The following HIKESHI variants were observed in gnomAD, a reference collection of about 807,000 sequenced individuals.
HIKESHI encodes heat shock protein nuclear import factor hikeshi.
Under a neutral mutation model 25.7 loss-of-function variants are expected in HIKESHI, and 13 were observed. The observed-to-expected ratio is 0.51, with a 90% CI of 0.33 to 0.80. The LOEUF (loss-of-function observed/expected upper bound fraction) is 0.80, where lower values mean the gene tolerates loss of function less well. HIKESHI is among the 30% of genes least tolerant of loss of function. The probability of loss-of-function intolerance (pLI) is 0.02; values close to 1 mark genes in which losing one functional copy is unlikely to be tolerated. For synonymous variants in HIKESHI, 76 were observed against 78.7 expected, an observed-to-expected ratio of 0.97 and a Z score of 0.18; for missense variants, 174 against 229.5, an observed-to-expected ratio of 0.76 and a Z score of 1.56.
intron 2 of HIKESHI, among the ~76,000 whole-genome samples, chr11:86,317,630 C>A (rs1947022876): frequency 6.6e-6 from 1 of 151,876 alleles, no homozygotes; most frequent in Non-Finnish European, 1.5e-5. Flanking sequence ...TATGGTGAAA[C>A]CTTGTCTGTA....
intron 2 of HIKESHI, among the ~76,000 whole-genome samples, chr11:86,318,252 C>T (rs962589645): frequency 7.8e-6 from 1 of 127,766 alleles, no homozygotes; most frequent in Non-Finnish European, 1.6e-5. Flanking sequence ...TGCAGTGAGC[C>T]AGGATCGCGC....
At chr11:86,340,875 C>A (rs75928228) in intron 3 of HIKESHI, among the ~76,000 whole-genome samples, 9,047 of 152,242 alleles carry the variant, frequency 0.059, 323 homozygotes, top group Middle Eastern at 0.12. Context: ...GAACTCCTGA[C>A]CTCGTGATCC....
intron 2 of HIKESHI, among the ~76,000 whole-genome samples, chr11:86,319,256 T>TTTTTTTTTA (rs1947088275): frequency 7.0e-6 from 1 of 142,604 alleles, no homozygotes; most frequent in African/African-American, 2.7e-5. Context: ...TTTTTTTTTT[T>TTTTTTTTTA]GAGACCAGTC....
chr11:86,345,222 C>A, intron 4 of HIKESHI: 1 of 802,056 alleles, frequency 1.2e-6, no homozygotes, highest in Non-Finnish European at 1.5e-6. Context: ...CATAATGTAG[C>A]TATGTGACCC....
intron 2 of HIKESHI, among the ~76,000 whole-genome samples, chr11:86,330,793 C>G (rs1947401912): frequency 6.6e-6 from 1 of 152,072 alleles, no homozygotes. Context: ...TACCAAAGTT[C>G]TGAAAGTAAT....
At chr11:86,333,709 G>A (rs1036460518) in intron 2 of HIKESHI, among the ~76,000 whole-genome samples, 6 of 152,054 alleles carry the variant, frequency 3.9e-5, no homozygotes, top group African/African-American at 1.4e-4. Context: ...GACTGGATAT[G>A]GTTTTATAAA....
intron 4 of HIKESHI, chr11:86,345,290 A>T (rs1036774499): frequency 2.7e-6 from 1 of 373,632 alleles, no homozygotes. Flanking sequence ...GTTGAATTTG[A>T]TTTTTTTCCT....
chr11:86,321,535 ATTT>A (rs35862030), intron 2 of HIKESHI, among the ~76,000 whole-genome samples: 2 of 146,700 alleles, frequency 1.4e-5, no homozygotes, highest in African/African-American at 5.0e-5. Context: ...TTTGTTTTAC[ATTT>A]TTTTTTTTTG....
At chr11:86,329,574 C>CTTT (rs71040232) in intron 2 of HIKESHI, among the ~76,000 whole-genome samples, 1 of 143,878 alleles carries the variant, frequency 7.0e-6, no homozygotes, top group Non-Finnish European at 1.5e-5. Context: ...CCTGTGATTT[C>CTTT]TTTTTTTTTT....
intron 3 of HIKESHI, 151 bp from the exon 4 acceptor site, chr11:86,344,452 G>T (rs1477775101): frequency 2.1e-6 from 1 of 485,202 alleles, no homozygotes; most frequent in Non-Finnish European, 3.6e-6. Flanking sequence ...ACAGGCATGA[G>T]CCACCGCACC....
At chr11:86,334,613 G>A (rs140411062) in intron 2 of HIKESHI, among the ~76,000 whole-genome samples, 1 of 152,082 alleles carries the variant, frequency 6.6e-6, no homozygotes, top group Non-Finnish European at 1.5e-5. Context: ...ATGTTTTCTG[G>A]ATTTTAGCAT....
At chr11:86,306,132 TTGGTAGAAAGACTATAA>T in intron 1 of HIKESHI, 96 bp from the exon 2 acceptor site, 2 of 704,984 alleles carry the variant, frequency 2.8e-6, no homozygotes, top group Non-Finnish European at 4.8e-6. Flanking sequence ...AACATTCTAT[TTGGTAGAAAGACTATAA>T]TGGATTATGC....
intron 2 of HIKESHI, among the ~76,000 whole-genome samples, chr11:86,336,349 T>C (rs998096435): frequency 4.6e-5 from 7 of 152,146 alleles, no homozygotes. Context: ...GATGAGGTCT[T>C]TTAAATTTAT....
chr11:86,323,298 G>A (rs895459357), intron 2 of HIKESHI, among the ~76,000 whole-genome samples: 1 of 152,082 alleles, frequency 6.6e-6, no homozygotes, highest in African/African-American at 2.4e-5. Context: ...AGAAATAAAT[G>A]TAAATAGATA....
At chr11:86,345,199 G>T (rs1404642553) in intron 4 of HIKESHI, 2 of 998,166 alleles carry the variant, frequency 2.0e-6, no homozygotes, top group African/African-American at 1.7e-5. Flanking sequence ...AATGCACTAG[G>T]TTTGAATTTT....
intron 2 of HIKESHI, among the ~76,000 whole-genome samples, chr11:86,335,069 C>T (rs190038223): frequency 6.6e-6 from 1 of 152,286 alleles, no homozygotes; most frequent in Admixed American, 6.5e-5. Context: ...CTACCCTTGT[C>T]CCATCTGCTT....
chr11:86,319,079 C>G (rs1053845626), intron 2 of HIKESHI, among the ~76,000 whole-genome samples: 4 of 151,506 alleles, frequency 2.6e-5, no homozygotes, highest in African/African-American at 9.7e-5. Context: ...ACCACTTTGG[C>G]TAACTTATTT....
chr11:86,314,643 G>T (rs1946926660), intron 2 of HIKESHI, among the ~76,000 whole-genome samples: 1 of 151,832 alleles, frequency 6.6e-6, no homozygotes, highest in South Asian at 2.1e-4. Context: ...AAGAAAGAAA[G>T]AAAGAAATGG....
chr11:86,324,113 C>T (rs907131336), intron 2 of HIKESHI: 14 of 152,074 alleles, frequency 9.2e-5, no homozygotes, highest in African/African-American at 2.9e-4. Context: ...TGCTCCATTC[C>T]GAACTAGGCT....
Sources: gnomAD v4.1 joint callset for allele counts (sites outside exome capture counted in the v4.1 genomes callset) on GRCh38, gnomAD v4.1.1 for gene constraint, MANE v1.5 for transcripts, NCBI Gene and HGNC (gene_info 2026-07-23, HGNC 2026-07-21) for gene names.